MCPH1: variants seen among roughly 807,000 people sequenced by gnomAD.
The protein encoded by MCPH1 is microcephalin.
In MCPH1, 104 loss-of-function variants were observed where a neutral mutation model predicts 84.5. The ratio of observed to expected loss-of-function variants is 1.23; its 90% CI spans 1.05 to 1.45. The LOEUF (loss-of-function observed/expected upper bound fraction) is 1.45, where lower values mean the gene tolerates loss of function less well. Ranked by LOEUF, MCPH1 falls within the 40% of genes most tolerant of loss-of-function variation. The pLI, the probability that MCPH1 is intolerant of heterozygous loss-of-function variation, is 0.00. For synonymous variants in MCPH1, 514 were observed against 366.8 expected (o/e 1.40, Z -4.58); for missense variants, 1,498 against 1,005.7 (o/e 1.49, Z -6.62).
At chr8:6,619,981 G>C (rs927980880) in intron 12 of MCPH1, among the ~76,000 whole-genome samples, 6 of 152,222 alleles carry the variant, frequency 3.9e-5, no homozygotes, top group Admixed American at 3.3e-4. Flanking sequence ...TTGGCCCCGT[G>C]ATGCTAGGGA....
intron 12 of MCPH1, among the ~76,000 whole-genome samples, chr8:6,520,553 G>C (rs1817123446): frequency 6.6e-6 from 1 of 151,950 alleles, no homozygotes; most frequent in Non-Finnish European, 1.5e-5. Flanking sequence ...CCACCACCAA[G>C]CCCAGCTAAT....
chr8:6,520,694 C>A (rs886433178), intron 12 of MCPH1, among the ~76,000 whole-genome samples: 3 of 152,180 alleles, frequency 2.0e-5, no homozygotes, highest in Non-Finnish European at 2.9e-5. Context: ...CCACACCTGG[C>A]CCTTCCCTCC....
chr8:6,625,387 T>C (rs1227210490), intron 13 of MCPH1: 2 of 985,322 alleles, frequency 2.0e-6, no homozygotes, highest in African/African-American at 1.7e-5. Flanking sequence ...CATTGTGTCT[T>C]TTGGAGACTT....
At chr8:6,430,558 A>G (rs995438741) in intron 3 of MCPH1, among the ~76,000 whole-genome samples, 1 of 152,220 alleles carries the variant, frequency 6.6e-6, no homozygotes. Context: ...AACTTCCTTT[A>G]TTCCTAATAT....
intron 11 of MCPH1, chr8:6,499,580 T>TAAAA (rs906384516): frequency 2.4e-5 from 6 of 251,386 alleles, no homozygotes; most frequent in Non-Finnish European, 3.1e-5. Context: ...TTCATATGTG[T>TAAAA]AAAAACAGGA....
At chr8:6,626,474 G>GGTT (rs71511150) in intron 13 of MCPH1, 11 of 925,366 alleles carry the variant, frequency 1.2e-5, no homozygotes, top group Admixed American at 8.6e-5. Flanking sequence ...TTTTTGTTTT[G>GGTT]TTTTTTTTTT....
intron 10 of MCPH1, among the ~76,000 whole-genome samples, chr8:6,478,319 C>A (rs1586009430): frequency 6.6e-6 from 1 of 151,662 alleles, no homozygotes. Context: ...TCATCAAACA[C>A]CATACATTAT....
chr8:6,444,755 A>T lies in MCPH1; in HGVS notation c.1033A>T (p.Ile345Leu). 1 of 1,614,106 alleles carries T rather than the reference A, an allele frequency of 6.2e-7. No homozygotes were observed. The highest frequency in any genetic ancestry group is 8.5e-7 in the Non-Finnish European group (1 of 1,179,978). The change falls in exon 8 of 14, where the codon ATA becomes TTA. Residue 345 changes from isoleucine (I) to leucine (L), a missense_variant. Physicochemically the swap from Ile to Leu is conservative, Grantham distance 5 (BLOSUM62 2). Transcript: ENST00000344683. ...TLSSTKGHLL[I>L]HSRPRSSSVK... ...ATCTTCAACAAAAGGCCACCTTTTGATACATTCAAGACCCAGGAGTTCCTC... is the reference window on the plus strand; with the variant it reads ...ATCTTCAACAAAAGGCCACCTTTTGTTACATTCAAGACCCAGGAGTTCCTC...
intron 12 of MCPH1, among the ~76,000 whole-genome samples, chr8:6,567,446 G>C (rs1047208237): frequency 1.3e-5 from 2 of 152,332 alleles, no homozygotes; most frequent in Non-Finnish European, 2.9e-5. Flanking sequence ...TCAGCCTTCT[G>C]TGTGGCTGCT....
chr8:6,521,497 CT>C, intron 12 of MCPH1: 1 of 972,596 alleles, frequency 1.0e-6, no homozygotes, highest in Non-Finnish European at 1.5e-6. Flanking sequence ...CCAAGGTACT[CT>C]GTTAAGATAT....
chr8:6,436,315 G>A (rs1438955050), intron 5 of MCPH1, among the ~76,000 whole-genome samples, 153 bp downstream of exon 5: 4 of 152,238 alleles, frequency 2.6e-5, no homozygotes, highest in South Asian at 2.1e-4. Flanking sequence ...AGGAGCCTGC[G>A]GGAGACTTGG....
intron 9 of MCPH1, 108 bp downstream of exon 9, chr8:6,455,360 T>TA (rs1447116226): frequency 7.6e-6 from 6 of 785,856 alleles, no homozygotes; most frequent in Non-Finnish European, 1.3e-5. Context: ...TCTTTTATTC[T>TA]AAAAAATTGA....
intron 12 of MCPH1, among the ~76,000 whole-genome samples, chr8:6,511,752 T>G (rs1340623338): frequency 6.6e-6 from 1 of 152,230 alleles, no homozygotes; most frequent in Non-Finnish European, 1.5e-5. Flanking sequence ...AAATGGCCTA[T>G]CCAAAAATTG....
intron 12 of MCPH1, among the ~76,000 whole-genome samples, chr8:6,506,518 C>A (rs917114479): frequency 2.0e-5 from 3 of 152,180 alleles, no homozygotes; most frequent in Non-Finnish European, 4.4e-5. Context: ...AATAAGCACA[C>A]CCTTCTCAAG....
chr8:6,484,621 G>GCTGT (rs1388559673), intron 11 of MCPH1, among the ~76,000 whole-genome samples: 4 of 152,242 alleles, frequency 2.6e-5, no homozygotes, highest in Non-Finnish European at 5.9e-5. Context: ...AAACAGCACA[G>GCTGT]CTGTCCCTCC....
chr8:6,410,793 C>T (rs1356448539), intron 2 of MCPH1, among the ~76,000 whole-genome samples: 1 of 152,104 alleles, frequency 6.6e-6, no homozygotes, highest in East Asian at 1.9e-4. Context: ...AGTACATGAT[C>T]TGCACAAGCA....
In MCPH1 at chr8:6,575,065, A is replaced by G. The variant is rs943570875; in HGVS notation, c.2215-46389A>G. Among the ~76,000 whole-genome samples the G allele has an allele frequency of 6.6e-5, 10 of 152,182 alleles. No individual in the cohort carries two copies. In the South Asian group the frequency reaches 1.4e-3, roughly 22 times the overall value. On this transcript the variant is annotated intron_variant, in intron 12 of 13. Transcript: ENST00000344683. ...AAGGGCTCGGAAGGGGAGAGCTAGC[A>G]GAGAGGCAATGCATGCAGCTTGCAC...
chr8:6,417,542 ATCT>A (rs1799493165), intron 3 of MCPH1, among the ~76,000 whole-genome samples: 1 of 151,586 alleles, frequency 6.6e-6, no homozygotes. Context: ...CCTCAGATTG[ATCT>A]TTTTTCAAGT....
chr8:6,642,919 A>G (rs1032479929), intron 13 of MCPH1, 75 bp from the exon 14 acceptor site: 1 of 1,346,800 alleles, frequency 7.4e-7, no homozygotes, highest in Non-Finnish European at 1.1e-6. Context: ...AGTTTCATGT[A>G]TATACAAACA....
Sources: allele counts gnomAD v4.1 joint callset (sites outside exome capture counted in the v4.1 genomes callset), GRCh38; gene constraint gnomAD v4.1.1; transcripts MANE v1.5; gene names NCBI Gene and HGNC (gene_info 2026-07-23, HGNC 2026-07-21).